The following NKAIN2 variants were observed in gnomAD, a reference collection of about 807,000 sequenced individuals.
NKAIN2 encodes the protein sodium/potassium transporting ATPase interacting 2, also known as sodium/potassium-transporting ATPase subunit beta-1-interacting protein 2.
In NKAIN2, 14 loss-of-function variants were observed where a neutral mutation model predicts 32.6. That is an observed-to-expected ratio of 0.43 (90% CI 0.28 to 0.67). The LOEUF (loss-of-function observed/expected upper bound fraction) is 0.67, where lower values mean the gene tolerates loss of function less well. Among genes scored for constraint, NKAIN2 ranks in the 30% least tolerant of loss-of-function variants. The pLI is 0.17. For missense variants in NKAIN2, 198 were observed against 258.3 expected (o/e 0.77, Z 1.60); for synonymous variants, 80 against 87.2 (o/e 0.92, Z 0.46).
At chr6:123,994,815 G>A (rs190548858) in intron 1 of NKAIN2, among the ~76,000 whole-genome samples, 15 of 152,062 alleles carry the variant, frequency 9.9e-5, no homozygotes, top group East Asian at 7.7e-4. Context: ...TTTTTATGTC[G>A]ATTGTTATTA....
intron 4 of NKAIN2, chr6:124,658,760 T>C: frequency 2.9e-6 from 1 of 346,018 alleles, no homozygotes; most frequent in Non-Finnish European, 5.2e-6. Context: ...GTTTTCTCTT[T>C]TAGTGCTTCT....
intron 1 of NKAIN2, among the ~76,000 whole-genome samples, chr6:124,087,031 T>C (rs1215619925): frequency 6.6e-6 from 1 of 151,804 alleles, no homozygotes; most frequent in Admixed American, 6.6e-5. Flanking sequence ...CTACAAAATA[T>C]TAGCAAATTG....
At chr6:124,324,099 A>T (rs144027641) in intron 2 of NKAIN2, among the ~76,000 whole-genome samples, 1 of 152,066 alleles carries the variant, frequency 6.6e-6, no homozygotes, top group East Asian at 1.9e-4. Context: ...CCTTCTTCTA[A>T]CTTTCTGTAA....
intron 1 of NKAIN2, among the ~76,000 whole-genome samples, chr6:123,808,000 AT>A (rs1405817978): frequency 1.3e-5 from 2 of 151,960 alleles, no homozygotes; most frequent in African/African-American, 2.4e-5. Context: ...AAAGGTACAT[AT>A]TTTTTTTCCT....
At chr6:124,782,579 C>A (rs1041429654) in intron 4 of NKAIN2, among the ~76,000 whole-genome samples, 1 of 152,076 alleles carries the variant, frequency 6.6e-6, no homozygotes, top group African/African-American at 2.4e-5. Context: ...CCTTCTTTAG[C>A]CTTGTCTACT....
At chr6:124,526,718 T>C (rs1779327540) in intron 3 of NKAIN2, among the ~76,000 whole-genome samples, 1 of 152,222 alleles carries the variant, frequency 6.6e-6, no homozygotes, top group Non-Finnish European at 1.5e-5. Context: ...GAGTTTTTAT[T>C]GAGCACCATC....
At chr6:124,658,451 C>G (rs528352020) in intron 4 of NKAIN2, 65 bp downstream of exon 4, 11 of 1,611,102 alleles carry the variant, frequency 6.8e-6, no homozygotes, top group Non-Finnish European at 9.3e-6. Context: ...TGTGCGAACT[C>G]AGTGCACACA....
At chr6:124,321,661 C>T (rs925614060) in intron 2 of NKAIN2, among the ~76,000 whole-genome samples, 1 of 152,058 alleles carries the variant, frequency 6.6e-6, no homozygotes, top group African/African-American at 2.4e-5. Flanking sequence ...CCAGGATATA[C>T]CATGTCATAT....
At chr6:124,453,271 C>T (rs191298223) in intron 3 of NKAIN2, among the ~76,000 whole-genome samples, 9 of 149,058 alleles carry the variant, frequency 6.0e-5, no homozygotes, top group South Asian at 4.2e-4. Context: ...CATTCTTTTC[C>T]GGTGCCATTT....
chr6:124,538,829 AT>A (rs974650500), intron 3 of NKAIN2, among the ~76,000 whole-genome samples: 11 of 152,076 alleles, frequency 7.2e-5, no homozygotes, highest in East Asian at 3.9e-4. Flanking sequence ...CTTTACCCAT[AT>A]TTTTTCCCCT....
chr6:124,424,810 A>G (rs1262482112), intron 3 of NKAIN2, among the ~76,000 whole-genome samples: 1 of 152,174 alleles, frequency 6.6e-6, no homozygotes, highest in Non-Finnish European at 1.5e-5. Context: ...ATGTTCATCT[A>G]TGATGCACAC....
intron 3 of NKAIN2, among the ~76,000 whole-genome samples, chr6:124,649,604 A>T (rs1784294938): frequency 6.6e-6 from 1 of 152,200 alleles, no homozygotes; most frequent in African/African-American, 2.4e-5. Flanking sequence ...TAACTTCGTA[A>T]CACAGTCTAT....
At chr6:124,534,418 T>G (rs1437126117) in intron 3 of NKAIN2, among the ~76,000 whole-genome samples, 1 of 152,234 alleles carries the variant, frequency 6.6e-6, no homozygotes, top group Non-Finnish European at 1.5e-5. Flanking sequence ...CCCAAAGTGC[T>G]GGAATTACAG....
In NKAIN2 at chr6:123,813,356, G is replaced by A. The variant is rs143801116; in HGVS notation, c.54+9102G>A. ...ATAGTGATTCTGACCTCACTCTCTT[G>A]TTAGTCTATAAGCTAGCGATCAGGT... On this transcript the variant is annotated intron_variant, in intron 1 of 6. Transcript: ENST00000368417. Among the ~76,000 whole-genome samples the A allele has an allele frequency of 2.0e-5, 3 of 152,270 alleles. No homozygotes were observed. In the East Asian group the frequency reaches 5.8e-4, roughly 29 times the overall value.
chr6:123,965,171 T>G (rs973119891), intron 1 of NKAIN2, among the ~76,000 whole-genome samples: 1 of 152,092 alleles, frequency 6.6e-6, no homozygotes, highest in African/African-American at 2.4e-5. Flanking sequence ...ATCCTACCCA[T>G]GCCCATCCTT....
intron 4 of NKAIN2, among the ~76,000 whole-genome samples, chr6:124,753,799 G>GATAAA (rs1777837120): frequency 6.6e-6 from 1 of 151,950 alleles, no homozygotes; most frequent in African/African-American, 2.4e-5. Flanking sequence ...GGGTTAATGG[G>GATAAA]ATAAAATTAA....
chr6:124,009,627 A>G (rs1415304638), intron 1 of NKAIN2, among the ~76,000 whole-genome samples: 2 of 152,120 alleles, frequency 1.3e-5, no homozygotes, highest in Non-Finnish European at 2.9e-5. Context: ...ACTTGCCTTC[A>G]TGCCTCTGAA....
intron 3 of NKAIN2, among the ~76,000 whole-genome samples, chr6:124,511,636 C>G (rs572702726): frequency 4.6e-4 from 70 of 152,272 alleles, no homozygotes; most frequent in Admixed American, 7.8e-4. Flanking sequence ...TAAACTAATA[C>G]TTAAATGCTT....
intron 1 of NKAIN2, among the ~76,000 whole-genome samples, chr6:123,979,608 A>C (rs1778801515): frequency 6.6e-6 from 1 of 152,170 alleles, no homozygotes; most frequent in Non-Finnish European, 1.5e-5. Flanking sequence ...CCCGCACCTG[A>C]CTGGAACCCA....
Sources: allele counts gnomAD v4.1 joint callset (sites outside exome capture counted in the v4.1 genomes callset), GRCh38; gene constraint gnomAD v4.1.1; transcripts MANE v1.5; gene names NCBI Gene and HGNC (gene_info 2026-07-23, HGNC 2026-07-21).